The following SLC9A3 variants were observed in gnomAD, a reference collection of about 807,000 sequenced individuals.
The protein encoded by SLC9A3 is solute carrier family 9 member A3, also known as sodium/hydrogen exchanger 3.
SLC9A3 carries 37 observed loss-of-function variants against 86.8 expected under a neutral mutation model. The ratio of observed to expected loss-of-function variants is 0.43; its 90% confidence interval spans 0.33 to 0.56. SLC9A3 has a LOEUF of 0.56. Among genes scored for constraint, SLC9A3 ranks in the 20% least tolerant of loss-of-function variants. The pLI, the probability that SLC9A3 is intolerant of heterozygous loss-of-function variation, is 0.06. For synonymous variants in SLC9A3, 581 were observed against 528.3 expected, an observed-to-expected ratio of 1.10 and a Z score of -1.37; for missense variants, 1,011 against 1,171.9, an observed-to-expected ratio of 0.86 and a Z score of 2.00.
intron 2 of SLC9A3, among the ~76,000 whole-genome samples, chr5:489,755 G>T (rs937933104): frequency 1.3e-5 from 2 of 152,254 alleles, no homozygotes; most frequent in African/African-American, 4.8e-5. Context: ...TGGCACGGCC[G>T]CCCCCAGGGC....
chr5:521,209 G>T (rs930735325), intron 1 of SLC9A3, among the ~76,000 whole-genome samples: 1 of 152,262 alleles, frequency 6.6e-6, no homozygotes, highest in East Asian at 1.9e-4. Flanking sequence ...ACAAATAGGG[G>T]GCTTGTGGGG....
At position 490,327 on chromosome 5, in the gene SLC9A3, A is replaced by G. The variant is rs527787938; in HGVS notation, c.514+1442T>C. Among the ~76,000 whole-genome samples the G allele has an allele frequency of 3.3e-5, 5 of 150,020 alleles. No individual in the cohort carries two copies. The South Asian group carries it at 8.7e-4, about 26-fold the overall frequency. On this transcript the variant is annotated intron_variant, in intron 2 of 16. Coordinates refer to ENST00000264938, the MANE Select transcript of SLC9A3 (RefSeq NM_004174.4). ...CCAGCGTGGCGAGGGGCAGGGGTGG[A>G]GTGCAGCGTGGCGAGGGGCAGGGGA...
intron 1 of SLC9A3, among the ~76,000 whole-genome samples, chr5:523,340 AACC>A (rs1490000660): frequency 6.6e-6 from 1 of 151,888 alleles, no homozygotes; most frequent in East Asian, 1.9e-4. Context: ...CTGCTCTGGA[AACC>A]TGCCGCGGCG....
chr5:494,768 G>A (rs547733262), intron 1 of SLC9A3, among the ~76,000 whole-genome samples: 44 of 152,306 alleles, frequency 2.9e-4, no homozygotes, highest in African/African-American at 1.0e-3. Flanking sequence ...CTCTGCTGCT[G>A]GCGACGAGTG....
Position 496,258 on chromosome 5 carries a change from G to GGT in SLC9A3, c.212-4189_212-4188dup, listed in dbSNP as rs1044859500. On this transcript the variant is annotated intron_variant, in intron 1 of 16. Coordinates refer to ENST00000264938, the MANE Select transcript of SLC9A3 (RefSeq NM_004174.4). This position sits in a 1 kb window ranked among gnomAD's most constrained non-coding sequence, Gnocchi z 4.7. The stretch of plus-strand genomic sequence containing the variant: ...CGAGGGCAGCTCCTGCAGTCTTCAG[G>GGT]GTGTGTGTGTGTTGAGAGCTCACCT... Among the ~76,000 whole-genome samples, 10 of 152,174 alleles carry GGT rather than the reference G, an allele frequency of 6.6e-5. No homozygotes were observed. The highest frequency in any genetic ancestry group is 3.3e-4 in the Admixed American group (5 of 15,278).
intron 4 of SLC9A3, 63 bp downstream of exon 4, chr5:485,090 G>A (rs930835074): frequency 8.1e-6 from 10 of 1,235,562 alleles, no homozygotes; most frequent in Admixed American, 6.7e-5. Context: ...CTGCAGGCCA[G>A]AGAAGACAGT....
At chr5:490,122 C>T (rs12657631) in intron 2 of SLC9A3, among the ~76,000 whole-genome samples, 60,961 of 121,572 alleles carry the variant, frequency 0.5, 12,804 homozygotes, top group Non-Finnish European at 0.58. Context: ...ATGGACCTGC[C>T]GGCCATGGGC....
Position 484,585 on chromosome 5 carries a change from G to A in SLC9A3, c.867C>T (p.Phe289=), listed in dbSNP as rs1056822629. The change falls in exon 5 of 17, where the codon TTC becomes TTT. Residue 289 remains phenylalanine (F), a synonymous_variant. Transcript: ENST00000264938. ...TKHVRIIEPG[F]VFIISYLSYL... is the part of the protein sequence containing the mutation. ...AGGACAGGTAGGAGATGATGAACAC[G>A]AAGCCGGGCTCGATGATACGCACAT... The A allele has an allele frequency of 1.7e-5, 28 of 1,613,198 alleles. No individual in the cohort carries two copies. The highest frequency in any genetic ancestry group is 4.5e-5 in the East Asian group (2 of 44,894).
chr5:492,777 C>T (rs1739845484), intron 1 of SLC9A3, among the ~76,000 whole-genome samples: 3 of 152,142 alleles, frequency 2.0e-5, no homozygotes, highest in African/African-American at 4.8e-5. Context: ...CTGTCCCTGA[C>T]GTTGTGGCCA....
At chr5:512,544 C>T (rs527861038) in intron 1 of SLC9A3, among the ~76,000 whole-genome samples, 38 of 151,888 alleles carry the variant, frequency 2.5e-4, no homozygotes, top group African/African-American at 9.2e-4. Flanking sequence ...TAAACTATGA[C>T]AAATGTATCA....
In SLC9A3 at chr5:501,150, G is replaced by T. The variant is rs192708833; in HGVS notation, c.212-9079C>A. On this transcript the variant is annotated intron_variant, in intron 1 of 16. Coordinates refer to ENST00000264938, the MANE Select transcript of SLC9A3 (RefSeq NM_004174.4). ...CCCTGTGCCTGGAGGAGGAAGGGCC[G>T]GCGCTGGCAAACCAGACATTTCCGG... Among the ~76,000 whole-genome samples, 4 of 152,172 alleles carry T rather than the reference G, an allele frequency of 2.6e-5. No homozygotes were observed. In the East Asian group the frequency reaches 7.7e-4, roughly 29 times the overall value.
chr5:483,379 C>T lies in SLC9A3; in HGVS notation c.1036G>A (p.Ala346Thr), dbSNP rs866649567. The T allele has an allele frequency of 9.5e-6, 15 of 1,571,700 alleles. No individual in the cohort carries two copies. The highest frequency in any genetic ancestry group is 1.4e-5 in the African/African-American group (1 of 73,860). The change falls in exon 6 of 17, where the codon GCC becomes ACC. Residue 346 changes from alanine to threonine, a missense_variant. By Grantham distance (58) the Ala-to-Thr change is moderately conservative (BLOSUM62 0). Around this residue, in one of 3 missense-constraint regions of SLC9A3, gnomAD observed 565 missense variants for 790.0 expected, o/e 0.72. Transcript: ENST00000264938. ...AGGAACATGAAGATGATGGTCTCGG[C>T]GCTGCTGGCCAGCATCTTCATGGTG... ...RYTMKMLASS[A>T]ETIIFMFLGI...
chr5:524,041 C>T lies in SLC9A3; in HGVS notation c.211+71G>A, dbSNP rs929218143. The stretch of plus-strand genomic sequence containing the variant: ...TCCGACCTGATGCGCGCGGCCACAA[C>T]GAAGCCCCCAGGCCCAGCAGAGGCG... On this transcript the variant is annotated intron_variant, in intron 1 of 16. Transcript: ENST00000264938. 18 of 1,087,246 alleles carry T rather than the reference C, an allele frequency of 1.7e-5. No homozygotes were observed. The Admixed American group carries it at 1.7e-4, about 10-fold the overall frequency. The allele number at this position is 1,087,246 out of a possible 1,614,324, so 67.3% of individuals were successfully genotyped here. A position where few individuals can be genotyped will look rare whatever the true frequency, so the allele number is the denominator to read the frequency against.
chr5:493,506 G>A (rs1310142517), intron 1 of SLC9A3, among the ~76,000 whole-genome samples: 1 of 152,268 alleles, frequency 6.6e-6, no homozygotes, highest in Non-Finnish European at 1.5e-5. Flanking sequence ...GCCGGGTGCT[G>A]GCCCAGAGGA....
chr5:492,725 G>A (rs1160259091), intron 1 of SLC9A3, among the ~76,000 whole-genome samples: 5 of 152,178 alleles, frequency 3.3e-5, no homozygotes, highest in Admixed American at 6.5e-5. Flanking sequence ...CCCCCAACTC[G>A]CTCTGTGCCT....
At position 472,774 on chromosome 5, in the gene SLC9A3, G is replaced by A. The variant is rs1738437874; in HGVS notation, c.*605C>T. Reference sequence around the variant, plus strand: ...GCAGCCGCTGCAGGTCGGGCCCTGAGTCCTGGCGCTCGGGAGGTCCCTGAG... The same window carrying A: ...GCAGCCGCTGCAGGTCGGGCCCTGAATCCTGGCGCTCGGGAGGTCCCTGAG... On this transcript the variant is annotated 3_prime_UTR_variant, in exon 17 of 17. Transcript: ENST00000264938. The A allele has an allele frequency of 1.7e-6, 1 of 585,572 alleles. No homozygotes were observed. The highest frequency in any genetic ancestry group is 1.9e-5 in the African/African-American group (1 of 52,936). The allele number at this position is 585,572 out of a possible 1,614,324, so 36.3% of individuals were successfully genotyped here.
intron 16 of SLC9A3, 58 bp from the exon 17 acceptor site, chr5:473,440 C>A: frequency 7.5e-7 from 1 of 1,325,344 alleles, no homozygotes; most frequent in Non-Finnish European, 9.7e-7. Flanking sequence ...GCGGGAGGGG[C>A]GTCCCCGGGG....
chr5:494,617 T>C (rs1739936374), intron 1 of SLC9A3, among the ~76,000 whole-genome samples: 1 of 152,184 alleles, frequency 6.6e-6, no homozygotes, highest in Non-Finnish European at 1.5e-5. Context: ...CTTCCTTCCT[T>C]TCTTCCTGAG....
chr5:512,591 G>A (rs1021760511), intron 1 of SLC9A3, among the ~76,000 whole-genome samples: 1 of 152,216 alleles, frequency 6.6e-6, no homozygotes, highest in African/African-American at 2.4e-5. Context: ...AGTGGGGGGT[G>A]GAACGGCTGG....
Sources: gnomAD v4.1 joint callset for allele counts (sites outside exome capture counted in the v4.1 genomes callset) on GRCh38, gnomAD v4.1.1 for gene constraint, gnomAD v4.1.1 regional missense constraint, Gnocchi (gnomAD v3.1) non-coding constraint, MANE v1.5 for transcripts, NCBI Gene and HGNC (gene_info 2026-07-23, HGNC 2026-07-21) for gene names.